Variants in ACYP1 observed in about 807,000 individuals in gnomAD.
The protein encoded by ACYP1 is acylphosphatase 1, also known as acylphosphatase-1.
ACYP1 carries 8 observed loss-of-function variants against 10.4 expected under a neutral mutation model. The observed-to-expected ratio is 0.77, with a 90% CI of 0.45 to 1.38. ACYP1 has a LOEUF of 1.38. Ranked by LOEUF, ACYP1 falls within the 40% of genes most tolerant of loss-of-function variation. The probability of loss-of-function intolerance (pLI) is 0.00; values close to 1 mark genes in which losing one functional copy is unlikely to be tolerated. For missense variants in ACYP1, 93 were observed against 117.3 expected (o/e 0.79, Z 0.96); for synonymous variants, 38 against 40.8 (o/e 0.93, Z 0.26).
At chr14:75,064,166 A>C, upstream of ACYP1, 1 of 356,516 alleles carries the variant, frequency 2.8e-6, no homozygotes, top group Non-Finnish European at 3.9e-6. Flanking sequence ...TTGTCCGGCA[A>C]CCCAAAAGCT....
chr14:75,053,327 A>G lies in ACYP1; in HGVS notation c.*117T>C. 1 of 911,728 alleles carries G rather than the reference A, an allele frequency of 1.1e-6. No individual in the cohort carries two copies. The highest frequency in any genetic ancestry group is 1.7e-6 in the Non-Finnish European group (1 of 585,132). 56.5% of individuals were successfully genotyped at this position (911,728 alleles called of 1,614,324 possible). Reference sequence around the variant, plus strand: ...AGGTAATATATAATAACATTCAAAAATCTGACATTAAAATAACTTATTGAC... The same window carrying G: ...AGGTAATATATAATAACATTCAAAAGTCTGACATTAAAATAACTTATTGAC... On this transcript the variant is annotated 3_prime_UTR_variant, in exon 3 of 3. Transcript: ENST00000238618.
upstream of ACYP1, among the ~76,000 whole-genome samples, chr14:75,067,167 G>C (rs922460316): frequency 1.4e-5 from 2 of 146,586 alleles, no homozygotes; most frequent in Admixed American, 6.8e-5. Flanking sequence ...CATTAAAGAA[G>C]AGAATGTCTG....
chr14:75,057,643 T>C (rs1403958823), intron 2 of ACYP1, among the ~76,000 whole-genome samples: 1 of 151,304 alleles, frequency 6.6e-6, no homozygotes, highest in East Asian at 1.9e-4. Flanking sequence ...GGCATAAGGA[T>C]AGTGGCTTAG....
chr14:75,063,245 A>G (rs1466848782), intron 2 of ACYP1: 34 of 527,216 alleles, frequency 6.4e-5, no homozygotes, highest in Non-Finnish European at 1.7e-5. Flanking sequence ...ATGTGTATCT[A>G]GATGCTCAGG....
chr14:75,059,298 G>A (rs1052870249), intron 2 of ACYP1, among the ~76,000 whole-genome samples: 1 of 151,998 alleles, frequency 6.6e-6, no homozygotes, highest in Non-Finnish European at 1.5e-5. Context: ...CTTGAGGTCA[G>A]GATCAGCCAG....
At chr14:75,063,893 T>C (rs1893093256) in intron 1 of ACYP1, 61 bp downstream of exon 1, 22 of 1,005,726 alleles carry the variant, frequency 2.2e-5, no homozygotes, top group Non-Finnish European at 2.0e-5. Flanking sequence ...AATCCCCTGC[T>C]ACTAACATTT....
At chr14:75,059,471 A>G (rs1892965973) in intron 2 of ACYP1, among the ~76,000 whole-genome samples, 1 of 152,238 alleles carries the variant, frequency 6.6e-6, no homozygotes, top group South Asian at 2.1e-4. Flanking sequence ...CATCAAAAGT[A>G]AAAACTTTTG....
chr14:75,069,271 C>A (rs1594800440), exon 1 of ACYP1: 7 of 1,458,168 alleles, frequency 4.8e-6, no homozygotes, highest in African/African-American at 1.5e-5. Flanking sequence ...CCGCTCCCGC[C>A]AGGCGGGCGG....
chr14:75,066,092 C>T (rs1893138072), upstream of ACYP1, among the ~76,000 whole-genome samples: 1 of 152,204 alleles, frequency 6.6e-6, no homozygotes, highest in African/African-American at 2.4e-5. Flanking sequence ...TCTTAACACA[C>T]AGTCAGGGAT....
upstream of ACYP1, among the ~76,000 whole-genome samples, chr14:75,065,649 T>G (rs1566621893): frequency 6.6e-6 from 1 of 152,146 alleles, no homozygotes; most frequent in Non-Finnish European, 1.5e-5. Flanking sequence ...GGGGCACAAA[T>G]GCATGCAAAT....
chr14:75,057,129 C>T (rs947548172), intron 2 of ACYP1, among the ~76,000 whole-genome samples: 1 of 151,548 alleles, frequency 6.6e-6, no homozygotes, highest in Non-Finnish European at 1.5e-5. Context: ...CAGGCACACA[C>T]TAGAGCTAAT....
At chr14:75,061,685 T>G (rs886872272) in intron 2 of ACYP1, 2 of 1,586,460 alleles carry the variant, frequency 1.3e-6, no homozygotes, top group African/African-American at 1.3e-5. Context: ...GGAACTTACC[T>G]GCATAACTGG....
upstream of ACYP1, among the ~76,000 whole-genome samples, chr14:75,066,258 G>A (rs1418080879): frequency 1.3e-5 from 2 of 152,166 alleles, no homozygotes; most frequent in East Asian, 3.9e-4. Flanking sequence ...GGAAATGGTA[G>A]GATCAGAAGC....
chr14:75,063,703 C>G (rs1893086942), intron 1 of ACYP1, 142 bp from the exon 2 acceptor site: 1 of 740,458 alleles, frequency 1.4e-6, no homozygotes, highest in African/African-American at 1.8e-5. Flanking sequence ...GAAATGGAAA[C>G]GTGAGTGGAT....
upstream of ACYP1, among the ~76,000 whole-genome samples, chr14:75,067,486 G>A (rs1446007261): frequency 6.6e-6 from 1 of 152,142 alleles, no homozygotes; most frequent in Non-Finnish European, 1.5e-5. Context: ...TAGAAGACAG[G>A]CCACAATGAA....
At chr14:75,060,336 C>G (rs1387033973) in intron 2 of ACYP1, 1 of 620,158 alleles carries the variant, frequency 1.6e-6, no homozygotes, top group East Asian at 2.9e-5. Flanking sequence ...AAGACAGTAA[C>G]CATTGTTGGC....
At chr14:75,069,251 A>G in exon 1 of ACYP1, 1 of 1,495,992 alleles carries the variant, frequency 6.7e-7, no homozygotes, top group South Asian at 1.2e-5. Context: ...GAGAAAGGCC[A>G]GCAGCAGCCC....
At chr14:75,055,196 C>T (rs1164097325) in intron 2 of ACYP1, among the ~76,000 whole-genome samples, 1 of 146,302 alleles carries the variant, frequency 6.8e-6, no homozygotes, top group Non-Finnish European at 1.5e-5. Flanking sequence ...ATGCCATTCT[C>T]CTGCCTCAGC....
At chr14:75,064,050 G>A, upstream of ACYP1, 1 of 987,866 alleles carries the variant, frequency 1.0e-6, no homozygotes, top group Non-Finnish European at 1.2e-6. Context: ...GAAGTTTAGT[G>A]TGTAGCTGCT....
Sources: allele counts gnomAD v4.1 joint callset (sites outside exome capture counted in the v4.1 genomes callset), GRCh38; gene constraint gnomAD v4.1.1; transcripts MANE v1.5; gene names NCBI Gene and HGNC (gene_info 2026-07-23, HGNC 2026-07-21).